The following RASA3 variants were observed in gnomAD, a reference collection of about 807,000 sequenced individuals.
The protein encoded by RASA3 is ras GTPase-activating protein 3.
In RASA3, 73 loss-of-function variants were observed where a neutral mutation model predicts 110.0. That is an observed-to-expected ratio of 0.66 (90% CI 0.55 to 0.81). The LOEUF (loss-of-function observed/expected upper bound fraction) is 0.81, where lower values mean the gene tolerates loss of function less well. Among genes scored for constraint, RASA3 ranks in the 30% least tolerant of loss-of-function variants. The pLI, the probability that RASA3 is intolerant of heterozygous loss-of-function variation, is 0.00. For synonymous variants in RASA3, 500 were observed against 451.4 expected, an observed-to-expected ratio of 1.11 and a Z score of -1.37; for missense variants, 976 against 1,113.2, an observed-to-expected ratio of 0.88 and a Z score of 1.75.
chr13:113,995,825 C>T lies in RASA3; in HGVS notation c.2141+706G>A, dbSNP rs1288310633. Among the ~76,000 whole-genome samples the T allele has an allele frequency of 7.5e-4, 24 of 31,824 alleles. 2 individuals are homozygous for T. Among genetic ancestry groups the T allele is most frequent in the East Asian group, 3.2e-3 (4 of 1,256 alleles). The allele number at this position is 31,824 out of a possible 152,430, so 20.9% of individuals were successfully genotyped here. On this transcript the variant is annotated intron_variant, in intron 21 of 23. Transcript: ENST00000334062. ...TGATGGGGGTCCGGCTGACGGGGGG[C>T]CCGGCTGACGGGGGGCCCGGCTGAC...
intron 4 of RASA3, among the ~76,000 whole-genome samples, chr13:114,040,174 C>T (rs980551602): frequency 6.6e-6 from 1 of 152,124 alleles, no homozygotes; most frequent in Non-Finnish European, 1.5e-5. Flanking sequence ...AAAATCCATG[C>T]ACGGAGCCCA....
chr13:114,069,724 GC>G (rs2079529366), intron 2 of RASA3, among the ~76,000 whole-genome samples: 1 of 18,432 alleles, frequency 5.4e-5, no homozygotes, highest in Non-Finnish European at 1.1e-4. Context: ...GACTTGGGGG[GC>G]TGGGAGGCTC....
In RASA3 at chr13:114,096,984, T is replaced by C. The variant is rs1258226629; in HGVS notation, c.56-23147A>G. Among the ~76,000 whole-genome samples, 2 of 152,082 alleles carry C rather than the reference T, an allele frequency of 1.3e-5. No individual in the cohort carries two copies. The highest frequency in any genetic ancestry group is 2.9e-5 in the Non-Finnish European group (2 of 68,020). ...TTCCCGTGCACCAGGCCACTCTGAGTCTGCTCCTCCACGAGGCTCCCAGAT... is the reference window on the plus strand; with the variant it reads ...TTCCCGTGCACCAGGCCACTCTGAGCCTGCTCCTCCACGAGGCTCCCAGAT... On this transcript the variant is annotated intron_variant, in intron 1 of 23. Transcript: ENST00000334062. The surrounding 1 kb of genome is among the most constrained non-coding windows in gnomAD (Gnocchi z 5.1).
At chr13:114,067,569 T>C (rs2079476668) in intron 2 of RASA3, among the ~76,000 whole-genome samples, 1 of 152,218 alleles carries the variant, frequency 6.6e-6, no homozygotes, top group Non-Finnish European at 1.5e-5. Context: ...CCCAAATAAC[T>C]TCTCCCCTCC....
At chr13:114,038,242 C>T (rs1337778946) in intron 4 of RASA3, among the ~76,000 whole-genome samples, 1 of 152,244 alleles carries the variant, frequency 6.6e-6, no homozygotes, top group African/African-American at 2.4e-5. Context: ...CTGGGGAACT[C>T]GCCGACACGC....
chr13:114,034,273 C>T (rs536495006), intron 4 of RASA3, among the ~76,000 whole-genome samples: 23 of 152,352 alleles, frequency 1.5e-4, no homozygotes, highest in African/African-American at 2.4e-4. Flanking sequence ...TCTCAAATGC[C>T]GGGCGCAAAC....
At chr13:114,052,251 T>C in intron 2 of RASA3, 96 bp from the exon 3 acceptor site, 1 of 784,014 alleles carries the variant, frequency 1.3e-6, no homozygotes. Context: ...AAACATGCCA[T>C]AAGAATGCCC....
intron 22 of RASA3, among the ~76,000 whole-genome samples, chr13:113,990,401 T>G (rs1173628825): frequency 6.6e-6 from 1 of 152,172 alleles, no homozygotes; most frequent in African/African-American, 2.4e-5. Flanking sequence ...TGAGCAAGGT[T>G]GGACAGTGGT....
intron 1 of RASA3, among the ~76,000 whole-genome samples, chr13:114,131,672 C>T (rs1363451845): frequency 6.6e-6 from 1 of 152,236 alleles, no homozygotes; most frequent in Non-Finnish European, 1.5e-5. Flanking sequence ...GGTCTCCCCG[C>T]CCCGCGGGAG....
At chr13:114,070,589 C>T (rs1332218338) in intron 2 of RASA3, among the ~76,000 whole-genome samples, 4 of 152,216 alleles carry the variant, frequency 2.6e-5, no homozygotes, top group Non-Finnish European at 4.4e-5. Context: ...ACAGGGCTGC[C>T]AGCGTCCACA....
In RASA3 at chr13:114,009,386, C is replaced by T. The variant is rs543813637; in HGVS notation, c.1668+1G>A. On this transcript the variant is annotated splice_donor_variant, in intron 17 of 23. Coordinates refer to ENST00000334062, the MANE Select transcript of RASA3 (RefSeq NM_007368.4). LOFTEE classifies it high-confidence loss of function. The stretch of plus-strand genomic sequence containing the variant: ...CGGTCGGAGGGTGAGTCGATACTTA[C>T]GTTCTTCACCGCATCAGCATATTTC... 5 of 1,610,178 alleles carry T rather than the reference C, an allele frequency of 3.1e-6. No homozygotes were observed. The highest frequency in any genetic ancestry group is 2.7e-5 in the African/African-American group (2 of 75,012).
intron 5 of RASA3, among the ~76,000 whole-genome samples, chr13:114,029,272 A>G (rs76081871): frequency 1.9e-4 from 2 of 10,420 alleles, no homozygotes; most frequent in Admixed American, 1.6e-3. Flanking sequence ...CTAAAACGGC[A>G]TCATCCTGGG....
chr13:114,114,681 C>T lies in RASA3; in HGVS notation c.55+17754G>A, dbSNP rs1273467027. On this transcript the variant is annotated intron_variant, in intron 1 of 23. Transcript: ENST00000334062. The surrounding 1 kb of genome is among the most constrained non-coding windows in gnomAD (Gnocchi z 4.8). ...CAACTTGTTTTTCTTCATCCTTCGC[C>T]GACCTTTGTTTATGGGTAACCCTTG... Among the ~76,000 whole-genome samples the T allele has an allele frequency of 2.0e-5, 3 of 152,194 alleles. No homozygotes were observed. Among genetic ancestry groups the T allele is most frequent in the Non-Finnish European group, 2.9e-5 (2 of 68,040 alleles).
chr13:114,013,459 GTC>G (rs1388293665), intron 14 of RASA3, among the ~76,000 whole-genome samples: 8 of 127,188 alleles, frequency 6.3e-5, no homozygotes, highest in Non-Finnish European at 9.9e-5. Flanking sequence ...CTCCCCCTTT[GTC>G]TCTCTCCCTG....
chr13:114,102,840 CG>C (rs1197841272), intron 1 of RASA3, among the ~76,000 whole-genome samples: 1 of 152,168 alleles, frequency 6.6e-6, no homozygotes, highest in Non-Finnish European at 1.5e-5. Context: ...GGGCTGGGGA[CG>C]ACGGGAAGAC....
At chr13:114,091,383 G>T (rs191793551) in intron 1 of RASA3, among the ~76,000 whole-genome samples, 1 of 151,890 alleles carries the variant, frequency 6.6e-6, no homozygotes, top group African/African-American at 2.4e-5. Context: ...CCATTTTGAG[G>T]TATGTTCCTC....
In RASA3 at chr13:114,075,619, C is replaced by G. The variant is rs9525242; in HGVS notation, c.56-1782G>C. On this transcript the variant is annotated intron_variant, in intron 1 of 23. Coordinates refer to ENST00000334062, the MANE Select transcript of RASA3 (RefSeq NM_007368.4). ...CCGGCAGGACGAAGCCTCCCGTGTC[C>G]GCACCGCGTATCTCTGCGTGTGGAG... is the stretch of plus-strand genomic sequence containing the variant. Among the ~76,000 whole-genome samples the G allele has an allele frequency of 2.0e-4, 9 of 44,812 alleles. 1 individual carries two copies. Among genetic ancestry groups the G allele is most frequent in the East Asian group, 8.7e-4 (1 of 1,148 alleles). The allele number at this position is 44,812 out of a possible 152,430, so 29.4% of individuals were successfully genotyped here.
intron 1 of RASA3, among the ~76,000 whole-genome samples, chr13:114,099,587 T>C (rs1275439145): frequency 9.0e-5 from 13 of 144,350 alleles, no homozygotes; most frequent in Admixed American, 7.1e-4. Flanking sequence ...CTGGCCCAAA[T>C]GCAGGGTCAG....
intron 1 of RASA3, among the ~76,000 whole-genome samples, chr13:114,104,570 G>A (rs926050205): frequency 6.6e-6 from 1 of 152,266 alleles, no homozygotes. Context: ...GCGAGCATCC[G>A]ATGCCCTCCT....
Sources: gnomAD v4.1 joint callset for allele counts (sites outside exome capture counted in the v4.1 genomes callset) on GRCh38, gnomAD v4.1.1 for gene constraint, Gnocchi (gnomAD v3.1) non-coding constraint, MANE v1.5 for transcripts, NCBI Gene and HGNC (gene_info 2026-07-23, HGNC 2026-07-21) for gene names.